Variants in ANAPC7 observed in about 807,000 individuals in gnomAD.
The protein encoded by ANAPC7 is anaphase promoting complex subunit 7, also known as anaphase-promoting complex subunit 7.
ANAPC7 carries 25 observed loss-of-function variants against 63.3 expected under a neutral mutation model. The observed-to-expected ratio is 0.39, with a 90% CI of 0.29 to 0.55. ANAPC7 has a LOEUF of 0.55. Among genes scored for constraint, ANAPC7 ranks in the 20% least tolerant of loss-of-function variants. The probability of loss-of-function intolerance (pLI) is 0.57; values close to 1 mark genes in which losing one functional copy is unlikely to be tolerated. For synonymous variants in ANAPC7, 241 were observed against 251.7 expected (o/e 0.96, Z 0.40); for missense variants, 516 against 691.7 (o/e 0.75, Z 2.85).
chr12:110,403,108 C>G (rs1324604756), intron 1 of ANAPC7, among the ~76,000 whole-genome samples: 1 of 152,124 alleles, frequency 6.6e-6, no homozygotes, highest in Admixed American at 6.6e-5. Flanking sequence ...GGGGACCAAT[C>G]TCAGATGCGG....
intron 2 of ANAPC7, 75 bp downstream of exon 2, chr12:110,396,191 T>TG (rs1282319343): frequency 4.8e-5 from 66 of 1,385,892 alleles, no homozygotes; most frequent in Non-Finnish European, 6.1e-5. Context: ...CACTGGGGCC[T>TG]GGGGACCCTG....
chr12:110,377,702 A>G, intron 8 of ANAPC7, 85 bp from the exon 9 acceptor site: 1 of 1,584,410 alleles, frequency 6.3e-7, no homozygotes, highest in East Asian at 2.3e-5. Context: ...CCAAATTGCT[A>G]ACCTTCAAAG....
chr12:110,392,060 C>CCA (rs1883138898), intron 3 of ANAPC7, among the ~76,000 whole-genome samples: 1 of 136,652 alleles, frequency 7.3e-6, no homozygotes, highest in Non-Finnish European at 1.5e-5. Context: ...CCACTGCACT[C>CCA]CAGCCTGGCA....
intron 1 of ANAPC7, among the ~76,000 whole-genome samples, chr12:110,400,299 C>T (rs1040370622): frequency 3.9e-5 from 6 of 152,196 alleles, no homozygotes; most frequent in Admixed American, 2.6e-4. Flanking sequence ...TAATGACACA[C>T]GAAAAAATAG....
chr12:110,399,462 TAA>T (rs531274525), intron 1 of ANAPC7, among the ~76,000 whole-genome samples: 59 of 140,722 alleles, frequency 4.2e-4, no homozygotes, highest in African/African-American at 1.3e-3. Context: ...TCTTGTCTCT[TAA>T]AAAAAAAAAA....
chr12:110,383,875 C>CAAAAAAAAAAAAAAAAAAAAAAAA (rs1159374781), intron 6 of ANAPC7, among the ~76,000 whole-genome samples: 3 of 50,674 alleles, frequency 5.9e-5, no homozygotes, highest in East Asian at 6.3e-4. Flanking sequence ...GACTCCGTCT[C>CAAAAAAAAAAAAAAAAAAAAAAAA]AAAAAAAAAA....
At chr12:110,389,092 AAAAAAAAAAAG>A (rs1171484126) in intron 3 of ANAPC7, among the ~76,000 whole-genome samples, 2 of 149,330 alleles carry the variant, frequency 1.3e-5, no homozygotes, top group African/African-American at 4.9e-5. Context: ...AAAAAAAAAA[AAAAAAAAAAAG>A]AAAAGAAAAG....
chr12:110,391,336 T>A (rs1182590696), intron 3 of ANAPC7, among the ~76,000 whole-genome samples: 1 of 152,228 alleles, frequency 6.6e-6, no homozygotes, highest in South Asian at 2.1e-4. Context: ...TGTTTACTCT[T>A]AAAAGGTGAA....
chr12:110,381,089 C>T (rs967935581), intron 8 of ANAPC7, among the ~76,000 whole-genome samples: 19 of 151,588 alleles, frequency 1.3e-4, no homozygotes, highest in African/African-American at 4.6e-4. Flanking sequence ...CAACTATACC[C>T]TCACCAAAAA....
At chr12:110,380,668 A>AC (rs1242321432) in intron 8 of ANAPC7, among the ~76,000 whole-genome samples, 1 of 137,688 alleles carries the variant, frequency 7.3e-6, no homozygotes, top group Non-Finnish European at 1.6e-5. Context: ...AAAAAAAAAA[A>AC]CAGGACCCGG....
intron 5 of ANAPC7, chr12:110,387,354 A>AGG (rs1882662632): frequency 2.3e-5 from 1 of 43,216 alleles, no homozygotes. Flanking sequence ...AGAGAGAGAC[A>AGG]GAGAGAGAGA....
At chr12:110,383,025 G>C in intron 6 of ANAPC7, 65 bp from the exon 7 acceptor site, 1 of 1,265,748 alleles carries the variant, frequency 7.9e-7, no homozygotes, top group Non-Finnish European at 1.1e-6. Flanking sequence ...CCACATACAG[G>C]AGTAGCACCC....
intron 3 of ANAPC7, among the ~76,000 whole-genome samples, chr12:110,390,074 ATTTT>A (rs1027414630): frequency 6.7e-6 from 1 of 148,628 alleles, no homozygotes; most frequent in Non-Finnish European, 1.5e-5. Flanking sequence ...TTAAAATTAG[ATTTT>A]TTTTTTTGAG....
intron 3 of ANAPC7, among the ~76,000 whole-genome samples, chr12:110,391,949 G>A (rs572300628): frequency 3.9e-5 from 6 of 152,170 alleles, no homozygotes; most frequent in African/African-American, 1.4e-4. Flanking sequence ...AAAAGTAGCT[G>A]GGCGTGGTGG....
At position 110,382,465 on chromosome 12, in the gene ANAPC7, T is replaced by A. The variant is rs1243083880; in HGVS notation, c.935+378A>T. Among the ~76,000 whole-genome samples the A allele has an allele frequency of 1.2e-3, 118 of 99,760 alleles. 1 individual carries two copies. The highest frequency in any genetic ancestry group is 4.4e-3 in the South Asian group (13 of 2,940). 65.4% of individuals were successfully genotyped at this position (99,760 alleles called of 152,430 possible). A position where few individuals can be genotyped will look rare whatever the true frequency, so the allele number is the denominator to read the frequency against. ...TTAAAAAAAAAAAAAAAAAAAAATA[T>A]ATATATATATATATATATATATATA... On this transcript the variant is annotated intron_variant, in intron 7 of 10. Transcript: ENST00000455511.
chr12:110,399,971 G>A (rs1457311764), intron 1 of ANAPC7, among the ~76,000 whole-genome samples: 1 of 151,478 alleles, frequency 6.6e-6, no homozygotes, highest in Non-Finnish European at 1.5e-5. Context: ...GTGGGCGCCT[G>A]TAATCCCAGC....
intron 3 of ANAPC7, among the ~76,000 whole-genome samples, chr12:110,391,226 T>C (rs1237218220): frequency 6.6e-6 from 1 of 152,054 alleles, no homozygotes; most frequent in Non-Finnish European, 1.5e-5. Flanking sequence ...ATTTTAAAAA[T>C]AGATACTCAC....
intron 4 of ANAPC7, 50 bp from the exon 5 acceptor site, chr12:110,387,942 T>G (rs749985145): frequency 5.0e-6 from 8 of 1,596,002 alleles, no homozygotes; most frequent in Non-Finnish European, 8.6e-7. Flanking sequence ...ATATCTCTCT[T>G]CCACATGCAA....
At chr12:110,381,627 G>A (rs1881852220) in intron 8 of ANAPC7, 125 bp downstream of exon 8, 9 of 962,888 alleles carry the variant, frequency 9.3e-6, no homozygotes, top group Non-Finnish European at 1.2e-5. Context: ...GAGCCACCAC[G>A]TCCGGCCAGC....
Sources: gnomAD v4.1 joint callset for allele counts (sites outside exome capture counted in the v4.1 genomes callset) on GRCh38, gnomAD v4.1.1 for gene constraint, MANE v1.5 for transcripts, NCBI Gene and HGNC (gene_info 2026-07-23, HGNC 2026-07-21) for gene names.